CST6: variants seen among roughly 807,000 people sequenced by gnomAD.
CST6 encodes the protein cystatin E/M.
CST6 carries 8 observed loss-of-function variants against 10.7 expected under a neutral mutation model. The ratio of observed to expected loss-of-function variants is 0.75; its 90% CI spans 0.44 to 1.34. CST6 has a LOEUF of 1.34. Among genes scored for constraint, CST6 ranks in the 40% most tolerant of loss-of-function variants. CST6 has a pLI of 0.01. For missense variants in CST6, 206 were observed against 205.1 expected, an observed-to-expected ratio of 1.00 and a Z score of -0.03; for synonymous variants, 100 against 89.3, an observed-to-expected ratio of 1.12 and a Z score of -0.68.
Position 66,012,941 on chromosome 11 carries a change from C to A in CST6, c.356C>A (p.Ala119Glu), listed in dbSNP as rs748319216. ...ACCACTTGCCCCCTGGCAGCAGGGG[C>A]GCAGCAGGAGGTAACAGCTGGGCTC... ...DLTTCPLAAG[A>E]QQEKLRCDFE... The change falls in exon 2 of 3, where the codon GCG becomes GAG. Residue 119 changes from alanine (A) to glutamate (E), a missense_variant. Physicochemically the swap from Ala to Glu is moderately radical, Grantham distance 107. Coordinates refer to ENST00000312134, the MANE Select transcript of CST6 (RefSeq NM_001323.4). 6.2e-7 allele frequency: 1 copy of A among 1,613,456 alleles called. No individual in the cohort carries two copies. Among genetic ancestry groups the A allele is most frequent in the Non-Finnish European group, 8.5e-7 (1 of 1,179,870 alleles).
Position 66,012,089 on chromosome 11 carries a change from C to T in CST6, c.45C>T (p.Val15=). The T allele has an allele frequency of 1.3e-6, 2 of 1,567,334 alleles. No homozygotes were observed. Among genetic ancestry groups the T allele is most frequent in the Non-Finnish European group, 1.7e-6 (2 of 1,164,984 alleles). ...CGCTGGCGCTGGGCCTGGCCCTGGTCGCATTCTGCCTCCTGGCGCTGCCAC... is the reference window on the plus strand; with the variant it reads ...CGCTGGCGCTGGGCCTGGCCCTGGTTGCATTCTGCCTCCTGGCGCTGCCAC... The part of the protein sequence containing the change: ...NLPLALGLAL[V]AFCLLALPRD... The change falls in exon 1 of 3, where the codon GTC becomes GTT. Residue 15 remains valine (V), a synonymous_variant. Transcript: ENST00000312134.
chr11:66,012,349 C>G, intron 1 of CST6, 65 bp downstream of exon 1: 1 of 1,501,568 alleles, frequency 6.7e-7, no homozygotes, highest in Non-Finnish European at 8.9e-7. Context: ...AGGCGCTGCC[C>G]CAGCGTGCAT....
In CST6 at chr11:66,012,049, C is replaced by G. The variant is rs1414922239; in HGVS notation, c.5C>G (p.Ala2Gly). 1 of 1,554,994 alleles carries G rather than the reference C, an allele frequency of 6.4e-7. No individual in the cohort carries two copies. Among genetic ancestry groups the G allele is most frequent in the Non-Finnish European group, 8.6e-7 (1 of 1,158,150 alleles). Residue 2 changes from alanine (A) to glycine (G), a missense_variant, in exon 1 of 3, where the codon GCG (alanine) becomes GGG (glycine). Physicochemically the swap from Ala to Gly is moderately conservative, Grantham distance 60 (BLOSUM62 0). Coordinates refer to ENST00000312134, the MANE Select transcript of CST6 (RefSeq NM_001323.4). ...GCTCCGACGGCACTGACGGCCATGG[C>G]GCGTTCGAACCTCCCGCTGGCGCTG... The part of the protein sequence containing the change: M[A>G]RSNLPLALGL...
chr11:66,013,366 C>T lies in CST6; in HGVS notation c.416C>T (p.Ser139Phe). Residue 139 changes from serine (S) to phenylalanine (F), a missense_variant, in exon 3 of 3, where the codon TCT (serine) becomes TTT (phenylalanine). By Grantham distance (155) the Ser-to-Phe change is radical (BLOSUM62 -2). Transcript: ENST00000312134. ...EVLVVPWQNS[S>F]QLLKHNCVQM ...CTTGTGGTTCCCTGGCAGAACTCCT[C>T]TCAGCTCCTAAAGCACAACTGTGTG... The T allele has an allele frequency of 6.2e-7, 1 of 1,614,216 alleles. No homozygotes were observed. Among genetic ancestry groups the T allele is most frequent in the African/African-American group, 1.3e-5 (1 of 75,056 alleles).
chr11:66,013,462 T>C lies in CST6; in HGVS notation c.*62T>C. The C allele has an allele frequency of 7.4e-7, 1 of 1,343,638 alleles. No individual in the cohort carries two copies. The highest frequency in any genetic ancestry group is 1.1e-6 in the Non-Finnish European group (1 of 933,492). 83.2% of individuals were successfully genotyped at this position (1,343,638 alleles called of 1,614,324 possible). A position where few individuals can be genotyped will look rare whatever the true frequency, so the allele number is the denominator to read the frequency against. ...CATGGTGGAGGGCACTTCAGGTCCG[T>C]GGGCCGTATCTGTCACAATAAATGG... On this transcript the variant is annotated 3_prime_UTR_variant, in exon 3 of 3. Transcript: ENST00000312134.
chr11:66,012,728 C>G (rs1214285126), intron 1 of CST6, 98 bp from the exon 2 acceptor site: 11 of 993,102 alleles, frequency 1.1e-5, no homozygotes. Flanking sequence ...CCTCTCTCCC[C>G]ACCTGAGTGC....
At chr11:66,012,311 G>GACACCCGGCCCAGATGGGGGAGGCC in intron 1 of CST6, 27 bp downstream of exon 1, 2 of 1,564,930 alleles carry the variant, frequency 1.3e-6, no homozygotes, top group Non-Finnish European at 1.7e-6. Context: ...GCTGGGAGGG[G>GACACCCGGCCCAGATGGGGGAGGCC]ACACCCGGCC....
chr11:66,012,840 C>A lies in CST6; in HGVS notation c.255C>A (p.Ile85=). The A allele has an allele frequency of 6.2e-7, 1 of 1,606,484 alleles. No individual in the cohort carries two copies. Among genetic ancestry groups the A allele is most frequent in the South Asian group, 1.1e-5 (1 of 90,838 alleles). Residue 85 remains isoleucine, a synonymous_variant, in exon 2 of 3, where the codon ATC becomes ATA. Coordinates refer to ENST00000312134, the MANE Select transcript of CST6 (RefSeq NM_001323.4). ...IKAQSQLVAG[I]KYFLTMEMGS... is the part of the protein sequence containing the mutation. ...TATGCCCCCAGCTGGTGGCCGGCAT[C>A]AAGTACTTCCTGACGATGGAGATGG...
chr11:66,013,272 C>G, intron 2 of CST6, 45 bp from the exon 3 acceptor site: 2 of 1,553,784 alleles, frequency 1.3e-6, no homozygotes, highest in Non-Finnish European at 1.8e-6. Flanking sequence ...GGAGACAGGT[C>G]GAGGCTGGGC....
chr11:66,012,366 G>A (rs1045323836), intron 1 of CST6, 82 bp downstream of exon 1: 2 of 1,442,768 alleles, frequency 1.4e-6, no homozygotes, highest in Admixed American at 5.2e-5. Context: ...GCATGAAGGG[G>A]GCCTAAAAGC....
In CST6 at chr11:66,012,863, TG is replaced by T; in HGVS notation, c.282del (p.Ser95AlafsTer48). The T allele has an allele frequency of 6.2e-7, 1 of 1,611,230 alleles. No individual in the cohort carries two copies. Among genetic ancestry groups the T allele is most frequent in the Non-Finnish European group, 8.5e-7 (1 of 1,177,912 alleles). ...AGIKYFLTME[M>X]GSTDCRKTRV... ...ATCAAGTACTTCCTGACGATGGAGA[TG>T]GGGAGCACAGACTGCCGCAAGACCA... On this transcript the variant is annotated frameshift_variant, in exon 2 of 3. Transcript: ENST00000312134. LOFTEE classifies it high-confidence loss of function.
intron 2 of CST6, 119 bp downstream of exon 2, chr11:66,013,070 C>A: frequency 7.2e-7 from 1 of 1,384,808 alleles, no homozygotes; most frequent in Non-Finnish European, 1.0e-6. Flanking sequence ...AACCTGTCGT[C>A]CTTCTGGATG....
At position 66,012,965 on chromosome 11, in the gene CST6, T is replaced by C. The variant is rs1266632358; in HGVS notation, c.366+14T>C. 2.5e-6 allele frequency: 4 copies of C among 1,612,298 alleles called. No homozygotes were observed. In the Admixed American group the frequency reaches 6.7e-5, roughly 27 times the overall value. On this transcript the variant is annotated intron_variant, in intron 2 of 2. Transcript: ENST00000312134. ...GCGCAGCAGGAGGTAACAGCTGGGC[T>C]CCTCCAGCCCCAGCCCTCCCCAGAG...
In CST6 at chr11:66,012,011, C is replaced by A; in HGVS notation, c.-34C>A. The A allele has an allele frequency of 6.9e-7, 1 of 1,445,204 alleles. No homozygotes were observed. Among genetic ancestry groups the A allele is most frequent in the South Asian group, 1.5e-5 (1 of 68,094 alleles). The allele number at this position is 1,445,204 out of a possible 1,614,324, so 89.5% of individuals were successfully genotyped here. On this transcript the variant is annotated 5_prime_UTR_variant, in exon 1 of 3. Transcript: ENST00000312134. ...GCTGCGCGGCCGCAAGCTCGGCACTCACGGCTCTGAGGGCTCCGACGGCAC... is the reference window on the plus strand; with the variant it reads ...GCTGCGCGGCCGCAAGCTCGGCACTAACGGCTCTGAGGGCTCCGACGGCAC...
At chr11:66,013,223 C>G in intron 2 of CST6, 94 bp from the exon 3 acceptor site, 1 of 1,193,606 alleles carries the variant, frequency 8.4e-7, no homozygotes, top group South Asian at 1.2e-5. Flanking sequence ...CCTCTCTTGG[C>G]CTGGAGCAGC....
intron 2 of CST6, 122 bp from the exon 3 acceptor site, chr11:66,013,195 G>A (rs765361138): frequency 3.9e-6 from 4 of 1,030,928 alleles, no homozygotes; most frequent in South Asian, 1.3e-5. Context: ...CTTGACATCC[G>A]TTGGGTCAGT....
rs1173357709 is a variant in CST6 at position 66,012,828 on chromosome 11, G to T, written c.243G>T (p.Leu81=). The change falls in exon 2 of 3, where the codon CTG becomes CTT. Residue 81 remains leucine, a splice_region_variant and synonymous_variant. Coordinates refer to ENST00000312134, the MANE Select transcript of CST6 (RefSeq NM_001323.4). The part of the protein sequence containing the change: ...DTHIIKAQSQ[L]VAGIKYFLTM... ...CTGCCCCTACCCTATGCCCCCAGCT[G>T]GTGGCCGGCATCAAGTACTTCCTGA... is the stretch of plus-strand genomic sequence containing the variant. The T allele has an allele frequency of 6.2e-7, 1 of 1,603,758 alleles. No homozygotes were observed. The highest frequency in any genetic ancestry group is 1.7e-5 in the Admixed American group (1 of 59,756).
At chr11:66,012,674 A>ACCCCCCCCCCCCCCCCCCCCCCCCCC in intron 1 of CST6, 152 bp from the exon 2 acceptor site, 1 of 39,864 alleles carries the variant, frequency 2.5e-5, no homozygotes, top group South Asian at 3.4e-4. Flanking sequence ...TCCCCCCCCC[A>ACCCCCCCCCCCCCCCCCCCCCCCCCC]CCCCCCCCCA....
intron 1 of CST6, 83 bp downstream of exon 1, chr11:66,012,367 G>A (rs1284966597): frequency 3.5e-6 from 5 of 1,424,930 alleles, no homozygotes; most frequent in Non-Finnish European, 4.7e-6. Flanking sequence ...CATGAAGGGG[G>A]CCTAAAAGCG....
Sources: gnomAD v4.1 joint callset for allele counts on GRCh38, gnomAD v4.1.1 for gene constraint, MANE v1.5 for transcripts, NCBI Gene and HGNC (gene_info 2026-07-23, HGNC 2026-07-21) for gene names.